ASTN1: variants seen among roughly 807,000 people sequenced by gnomAD.
The protein encoded by ASTN1 is astrotactin 1, also known as astrotactin-1.
In ASTN1, 41 loss-of-function variants were observed where a neutral mutation model predicts 140.7. The ratio of observed to expected loss-of-function variants is 0.29; its 90% CI spans 0.23 to 0.38. ASTN1 has a LOEUF of 0.38. Ranked by LOEUF, ASTN1 falls within the 10% of genes least tolerant of loss-of-function variation. The pLI, the probability that ASTN1 is intolerant of heterozygous loss-of-function variation, is 1.00. For missense variants in ASTN1, 1,479 were observed against 1,678.8 expected (o/e 0.88, Z 2.08); for synonymous variants, 640 against 652.2 (o/e 0.98, Z 0.29).
intron 1 of ASTN1, among the ~76,000 whole-genome samples, chr1:177,068,483 A>G (rs1194944999): frequency 1.3e-5 from 2 of 152,186 alleles, no homozygotes; most frequent in Non-Finnish European, 1.5e-5. Context: ...GGCAAAAACA[A>G]CAGAGCCTCA....
intron 1 of ASTN1, among the ~76,000 whole-genome samples, chr1:177,097,321 A>T (rs1680073365): frequency 6.6e-6 from 1 of 152,008 alleles, no homozygotes; most frequent in Admixed American, 6.6e-5. Flanking sequence ...TCATATGATA[A>T]TTTTTCAATA....
At chr1:177,155,891 TGA>T (rs1683212724) in intron 1 of ASTN1, among the ~76,000 whole-genome samples, 1 of 152,186 alleles carries the variant, frequency 6.6e-6, no homozygotes, top group South Asian at 2.1e-4. Flanking sequence ...CTCTGTCAGC[TGA>T]GAGAGCCTAG....
chr1:177,091,684 C>T (rs1355486438), intron 1 of ASTN1, among the ~76,000 whole-genome samples: 1 of 152,110 alleles, frequency 6.6e-6, no homozygotes, highest in African/African-American at 2.4e-5. Context: ...ATGAAACACT[C>T]CCATTAGCAG....
chr1:176,988,399 A>G (rs1349046963), intron 8 of ASTN1, among the ~76,000 whole-genome samples: 2 of 152,068 alleles, frequency 1.3e-5, no homozygotes, highest in Non-Finnish European at 2.9e-5. Flanking sequence ...AGAAAAGCTG[A>G]AGGCCAAGGT....
At chr1:176,868,660 C>T (rs925540666) in intron 22 of ASTN1, among the ~76,000 whole-genome samples, 184 bp downstream of exon 22, 1 of 152,122 alleles carries the variant, frequency 6.6e-6, no homozygotes, top group African/African-American at 2.4e-5. Flanking sequence ...GGCTGGACTG[C>T]TTAAATAGAG....
intron 2 of ASTN1, among the ~76,000 whole-genome samples, chr1:177,041,069 C>T (rs867208658): frequency 1.2e-4 from 19 of 152,226 alleles, no homozygotes; most frequent in Admixed American, 5.2e-4. Context: ...TTTGCCTTAA[C>T]GAGAATGTTA....
chr1:177,087,750 G>A (rs1318934560), intron 1 of ASTN1, among the ~76,000 whole-genome samples: 1 of 152,212 alleles, frequency 6.6e-6, no homozygotes, highest in East Asian at 1.9e-4. Flanking sequence ...GTGCTTGTGG[G>A]AGTTGGGGAG....
At chr1:176,936,560 G>A (rs1414987082) in intron 14 of ASTN1, among the ~76,000 whole-genome samples, 190 bp from the exon 15 acceptor site, 1 of 152,188 alleles carries the variant, frequency 6.6e-6, no homozygotes, top group African/African-American at 2.4e-5. Flanking sequence ...TCCATGCCAG[G>A]CATTTTGCTA....
intron 1 of ASTN1, among the ~76,000 whole-genome samples, chr1:177,075,114 C>T (rs1191837532): frequency 1.3e-5 from 2 of 152,058 alleles, no homozygotes; most frequent in Admixed American, 1.3e-4. Context: ...TGCTGTGTCA[C>T]CCAGGCTGGA....
chr1:176,906,496 TATG>T (rs1299527621), intron 16 of ASTN1, among the ~76,000 whole-genome samples: 1 of 152,102 alleles, frequency 6.6e-6, no homozygotes, highest in African/African-American at 2.4e-5. Flanking sequence ...TAGACAATGA[TATG>T]ATAAGAGGTG....
chr1:177,143,814 C>G (rs1205500716), intron 1 of ASTN1, among the ~76,000 whole-genome samples: 1 of 151,938 alleles, frequency 6.6e-6, no homozygotes, highest in African/African-American at 2.4e-5. Flanking sequence ...CCTCAAGTAT[C>G]GACTAAAAAT....
intron 1 of ASTN1, among the ~76,000 whole-genome samples, chr1:177,149,419 G>C (rs1283024854): frequency 1.1e-4 from 7 of 65,784 alleles, no homozygotes; most frequent in Admixed American, 1.0e-3. Flanking sequence ...TATATATATA[G>C]TATATATATA....
intron 8 of ASTN1, among the ~76,000 whole-genome samples, chr1:176,972,122 A>C (rs1673163633): frequency 6.6e-6 from 1 of 152,226 alleles, no homozygotes; most frequent in African/African-American, 2.4e-5. Flanking sequence ...AATATTTATC[A>C]TCTAAACATA....
intron 14 of ASTN1, among the ~76,000 whole-genome samples, chr1:176,939,738 T>C (rs1445144572): frequency 6.6e-6 from 1 of 151,072 alleles, no homozygotes; most frequent in African/African-American, 2.4e-5. Context: ...CTACCTATGC[T>C]TGAAAAAAGA....
At chr1:176,931,849 C>A (rs552726359) in intron 16 of ASTN1, among the ~76,000 whole-genome samples, 29 of 152,286 alleles carry the variant, frequency 1.9e-4, no homozygotes, top group African/African-American at 6.7e-4. Context: ...TTGAATAAGG[C>A]AAAGAACCTA....
chr1:177,042,277 T>C (rs1255415515), intron 2 of ASTN1, among the ~76,000 whole-genome samples: 1 of 152,186 alleles, frequency 6.6e-6, no homozygotes, highest in East Asian at 1.9e-4. Flanking sequence ...CCGTGAGATC[T>C]GGTGTGACAG....
At chr1:177,002,887 G>A (rs367775228) in intron 8 of ASTN1, among the ~76,000 whole-genome samples, 24 of 151,362 alleles carry the variant, frequency 1.6e-4, no homozygotes, top group African/African-American at 5.8e-4. Flanking sequence ...ATAGATTCCC[G>A]AAGACATACA....
At chr1:177,087,572 C>T (rs556013766) in intron 1 of ASTN1, among the ~76,000 whole-genome samples, 48 of 152,306 alleles carry the variant, frequency 3.2e-4, no homozygotes, top group Non-Finnish European at 5.3e-4. Context: ...CCCACCTCCA[C>T]CCTCAGGCTG....
chr1:177,014,721 G>T, intron 8 of ASTN1, 70 bp downstream of exon 8: 1 of 1,413,272 alleles, frequency 7.1e-7, no homozygotes, highest in Admixed American at 1.7e-5. Flanking sequence ...CCATGCAGTT[G>T]CTCCACGTCA....
Sources: allele counts gnomAD v4.1 joint callset (sites outside exome capture counted in the v4.1 genomes callset), GRCh38; gene constraint gnomAD v4.1.1; transcripts MANE v1.5; gene names NCBI Gene and HGNC (gene_info 2026-07-23, HGNC 2026-07-21).